The following INO80 variants were observed in gnomAD, a reference collection of about 807,000 sequenced individuals.
INO80 encodes INO80 complex ATPase subunit, also known as chromatin-remodeling ATPase INO80.
In INO80, 20 loss-of-function variants were observed where a neutral mutation model predicts 203.4. The observed-to-expected ratio is 0.10, with a 90% CI of 0.07 to 0.14. The LOEUF (loss-of-function observed/expected upper bound fraction) is 0.14, where lower values mean the gene tolerates loss of function less well. INO80 is among the 10% of genes least tolerant of loss of function. INO80 has a pLI of 1.00. For synonymous variants in INO80, 726 were observed against 685.2 expected (o/e 1.06, Z -0.93); for missense variants, 1,419 against 1,914.4 (o/e 0.74, Z 4.83).
intron 29 of INO80, among the ~76,000 whole-genome samples, chr15:40,989,673 C>CT (rs1045412083): frequency 6.6e-6 from 1 of 152,210 alleles, no homozygotes; most frequent in African/African-American, 2.4e-5. Flanking sequence ...CTCCAGCTCT[C>CT]TGCCAGTTAC....
intron 1 of INO80, among the ~76,000 whole-genome samples, chr15:41,107,079 C>T (rs1266871713): frequency 6.6e-6 from 1 of 152,236 alleles, no homozygotes; most frequent in Non-Finnish European, 1.5e-5. Flanking sequence ...TAAATCAGCA[C>T]CTTCCTCCCG....
At chr15:41,052,888 C>T (rs1157000976) in intron 19 of INO80, among the ~76,000 whole-genome samples, 1 of 150,152 alleles carries the variant, frequency 6.7e-6, no homozygotes, top group East Asian at 1.9e-4. Context: ...CAAAAATTAG[C>T]CAGGTGTTGT....
intron 32 of INO80, 120 bp from the exon 33 acceptor site, chr15:40,984,472 C>T: frequency 1.1e-6 from 1 of 887,802 alleles, no homozygotes; most frequent in South Asian, 1.8e-5. Flanking sequence ...TCTCAATTAG[C>T]ATATTTTTAC....
At position 41,020,996 on chromosome 15, in the gene INO80, C is replaced by T; in HGVS notation, c.3178G>A (p.Asp1060Asn). ...LLNGAPELAA[D>N]WLNRRSQFFP... Reference sequence around the variant, plus strand: ...AACTGTGATCGTCTATTTAGCCAGTCTGCAGCCAGTTCAGGGGCCCCATTC... The same window carrying T: ...AACTGTGATCGTCTATTTAGCCAGTTTGCAGCCAGTTCAGGGGCCCCATTC... Residue 1060 changes from aspartate (D) to asparagine (N), a missense_variant, in exon 26 of 36, where the codon GAC becomes AAC. By Grantham distance (23) the Asp-to-Asn change is conservative. Around this residue, in one of 9 missense-constraint regions of INO80, gnomAD observed 302 missense variants for 345.4 expected, o/e 0.87. Coordinates refer to ENST00000648947, the MANE Select transcript of INO80 (RefSeq NM_017553.3). The T allele has an allele frequency of 1.2e-6, 2 of 1,614,174 alleles. No individual in the cohort carries two copies. Among genetic ancestry groups the T allele is most frequent in the African/African-American group, 2.7e-5 (2 of 75,056 alleles).
chr15:41,090,223 G>C (rs555735300), intron 5 of INO80, among the ~76,000 whole-genome samples: 43 of 152,192 alleles, frequency 2.8e-4, no homozygotes, highest in Non-Finnish European at 4.7e-4. Flanking sequence ...GCTGGACACA[G>C]GCACATGTTG....
At position 41,116,235 on chromosome 15, in the gene INO80, G is replaced by A. The variant is rs1160045394; in HGVS notation, c.-306C>T. The A allele has an allele frequency of 2.0e-5, 8 of 402,286 alleles. No homozygotes were observed. Among genetic ancestry groups the A allele is most frequent in the Non-Finnish European group, 3.1e-5 (7 of 229,318 alleles). 24.9% of individuals were successfully genotyped at this position (402,286 alleles called of 1,614,324 possible). On this transcript the variant is annotated 5_prime_UTR_variant, in exon 1 of 36. Transcript: ENST00000648947. ...CCACTTTCACTCACTGAGAGGAGCG[G>A]AGCAGGGACACGGGGAGCCATGGCG... is the stretch of plus-strand genomic sequence containing the variant.
chr15:41,097,471 A>T (rs1394051982), intron 1 of INO80, among the ~76,000 whole-genome samples: 3 of 152,116 alleles, frequency 2.0e-5, no homozygotes, highest in Non-Finnish European at 4.4e-5. Context: ...TGACATAAAT[A>T]CTCAATAAAC....
chr15:41,066,831 G>A (rs74671810), intron 14 of INO80, among the ~76,000 whole-genome samples: 517 of 85,494 alleles, frequency 6.0e-3, no homozygotes, highest in African/African-American at 9.1e-3. Flanking sequence ...ATGTCTCTAA[G>A]AAAAAAAAAA....
intron 24 of INO80, among the ~76,000 whole-genome samples, chr15:41,033,673 G>A (rs150095663): frequency 3.4e-4 from 51 of 152,210 alleles, no homozygotes; most frequent in African/African-American, 1.1e-3. Context: ...GTAGAATACA[G>A]GGAGCCATGC....
At position 41,005,931 on chromosome 15, in the gene INO80, TATTCCTGTAA is replaced by T. The variant is rs2044034074; in HGVS notation, c.3403-254_3403-245del. On this transcript the variant is annotated intron_variant, in intron 27 of 35. Transcript: ENST00000648947. Reference sequence around the variant, plus strand: ...TCAATTTCAGTTTGGAACCTAATCTTATTCCTGTAAATTCCTGTAGGTTTCATTAAAAAAA... The same window carrying T: ...TCAATTTCAGTTTGGAACCTAATCTTATTCCTGTAGGTTTCATTAAAAAAA... Among the ~76,000 whole-genome samples the T allele has an allele frequency of 2.7e-5, 4 of 149,120 alleles. No individual in the cohort carries two copies. The South Asian group carries it at 8.5e-4, about 32-fold the overall frequency.
At chr15:41,062,902 AAACT>A (rs1225466870) in intron 14 of INO80, among the ~76,000 whole-genome samples, 1 of 152,228 alleles carries the variant, frequency 6.6e-6, no homozygotes, top group Non-Finnish European at 1.5e-5. Flanking sequence ...AGCACAAAAC[AAACT>A]AAGACAAATA....
chr15:41,116,199 G>A lies in INO80; in HGVS notation c.-270C>T. The stretch of plus-strand genomic sequence containing the variant: ...AGGCGGCTGCGGGCGCTGGGCCGGC[G>A]GCGGCGGCGGCCACTTTCACTCACT... On this transcript the variant is annotated 5_prime_UTR_variant, in exon 1 of 36. Coordinates refer to ENST00000648947, the MANE Select transcript of INO80 (RefSeq NM_017553.3). 4.9e-6 allele frequency: 2 copies of A among 409,950 alleles called. No homozygotes were observed. Among genetic ancestry groups the A allele is most frequent in the East Asian group, 3.5e-5 (1 of 28,440 alleles). 25.4% of individuals were successfully genotyped at this position (409,950 alleles called of 1,614,324 possible).
At chr15:41,067,237 T>C (rs1189493603) in intron 14 of INO80, among the ~76,000 whole-genome samples, 1 of 151,942 alleles carries the variant, frequency 6.6e-6, no homozygotes, top group African/African-American at 2.4e-5. Context: ...CCATAACACC[T>C]GGCTGATTTT....
rs2044826569 is a variant in INO80, at chr15:41,049,433, G to C, written c.2443-13C>G. 1 of 1,612,948 alleles carries C rather than the reference G, an allele frequency of 6.2e-7. No individual in the cohort carries two copies. Among genetic ancestry groups the C allele is most frequent in the Non-Finnish European group, 8.5e-7 (1 of 1,179,278 alleles). Reference sequence around the variant, plus strand: ...GGTGATTACACACCTAAAAGGAAGGGAAATGGTAAGACAATATTACCACAT... The same window carrying C: ...GGTGATTACACACCTAAAAGGAAGGCAAATGGTAAGACAATATTACCACAT... On this transcript the variant is annotated splice_polypyrimidine_tract_variant and intron_variant, in intron 20 of 35. Coordinates refer to ENST00000648947, the MANE Select transcript of INO80 (RefSeq NM_017553.3).
chr15:41,014,398 C>T (rs1157911246), intron 27 of INO80, among the ~76,000 whole-genome samples: 1 of 152,154 alleles, frequency 6.6e-6, no homozygotes, highest in East Asian at 1.9e-4. Context: ...AAAAGAGCCC[C>T]ACTGCAGGAA....
At chr15:41,074,171 G>A (rs2045366087) in intron 10 of INO80, among the ~76,000 whole-genome samples, 199 bp downstream of exon 10, 2 of 151,900 alleles carry the variant, frequency 1.3e-5, no homozygotes, top group African/African-American at 2.4e-5. Context: ...TAACCACAAC[G>A]CTTCCTATTC....
At position 41,020,980 on chromosome 15, in the gene INO80, C is replaced by T. The variant is rs199698267; in HGVS notation, c.3194G>A (p.Arg1065Gln). 3.2e-5 allele frequency: 51 copies of T among 1,614,152 alleles called. 1 individual carries two copies. The highest frequency in any genetic ancestry group is 1.6e-4 in the Middle Eastern group (1 of 6,062). The stretch of plus-strand genomic sequence containing the variant: ...AGCTGGCTCTGGGAAGAACTGTGAT[C>T]GTCTATTTAGCCAGTCTGCAGCCAG... ...PELAADWLNR[R>Q]SQFFPEPAGG... is the part of the protein sequence containing the mutation. The change falls in exon 26 of 36, where the codon CGA (arginine) becomes CAA (glutamine). Residue 1065 changes from arginine to glutamine, a missense_variant. Transcript: ENST00000648947.
At chr15:40,994,712 C>T (rs911628675) in intron 29 of INO80, among the ~76,000 whole-genome samples, 5 of 152,088 alleles carry the variant, frequency 3.3e-5, no homozygotes, top group African/African-American at 1.2e-4. Flanking sequence ...GTCTCCTCTC[C>T]TGCCACTGGA....
chr15:41,008,832 ATTTTAT>A (rs1163602372), intron 27 of INO80, among the ~76,000 whole-genome samples: 1 of 152,080 alleles, frequency 6.6e-6, no homozygotes, highest in Non-Finnish European at 1.5e-5. Flanking sequence ...CATAATCTGC[ATTTTAT>A]TTTTATTTTT....
Sources: gnomAD v4.1 joint callset for allele counts (sites outside exome capture counted in the v4.1 genomes callset) on GRCh38, gnomAD v4.1.1 for gene constraint, gnomAD v4.1.1 regional missense constraint, MANE v1.5 for transcripts, NCBI Gene and HGNC (gene_info 2026-07-23, HGNC 2026-07-21) for gene names.